The following ARL15 variants were observed in gnomAD, a reference collection of about 807,000 sequenced individuals.
ARL15 encodes ARF like GTPase 15, also known as ADP-ribosylation factor-like protein 15.
In ARL15, 19 loss-of-function variants were observed where a neutral mutation model predicts 25.2. That is an observed-to-expected ratio of 0.75 (90% confidence interval 0.53 to 1.10). ARL15 has a LOEUF of 1.10. ARL15 is among the 50% of genes least tolerant of loss of function. The pLI is 0.00. For synonymous variants in ARL15, 94 were observed against 86.8 expected, an observed-to-expected ratio of 1.08 and a Z score of -0.46; for missense variants, 220 against 246.0, an observed-to-expected ratio of 0.89 and a Z score of 0.71.
intron 4 of ARL15, among the ~76,000 whole-genome samples, chr5:54,046,574 T>C (rs375107094): frequency 6.6e-6 from 1 of 151,744 alleles, no homozygotes. Flanking sequence ...ACAAACCAGT[T>C]TGAATGAAAA....
chr5:53,922,710 A>C (rs1745894092), intron 4 of ARL15, among the ~76,000 whole-genome samples: 1 of 152,238 alleles, frequency 6.6e-6, no homozygotes, highest in African/African-American at 2.4e-5. Context: ...CAAGTGGTAC[A>C]TCTGTAGTGA....
At chr5:54,211,308 T>C (rs1044733599) in intron 1 of ARL15, among the ~76,000 whole-genome samples, 5 of 152,078 alleles carry the variant, frequency 3.3e-5, no homozygotes, top group Non-Finnish European at 7.4e-5. Flanking sequence ...TGTAGAGCTG[T>C]TCTATCGGTT....
At chr5:53,963,794 G>A (rs1052853245) in intron 4 of ARL15, among the ~76,000 whole-genome samples, 1 of 143,384 alleles carries the variant, frequency 7.0e-6, no homozygotes, top group Non-Finnish European at 1.5e-5. Flanking sequence ...GGAGACAAGA[G>A]TGAAACTCCA....
At chr5:54,057,159 T>C (rs1750902670) in intron 4 of ARL15, among the ~76,000 whole-genome samples, 1 of 152,164 alleles carries the variant, frequency 6.6e-6, no homozygotes, top group Non-Finnish European at 1.5e-5. Context: ...ATCTTATAAA[T>C]ATCAGTGGGT....
chr5:54,029,205 G>A lies in ARL15; in HGVS notation c.462+83997C>T, dbSNP rs191155441. Among the ~76,000 whole-genome samples, 790 of 152,180 alleles carry A rather than the reference G, an allele frequency of 5.2e-3. 2 individuals carry two copies. Among genetic ancestry groups the A allele is most frequent in the Admixed American group, 0.011 (166 of 15,282 alleles). On this transcript the variant is annotated intron_variant, in intron 4 of 4. Transcript: ENST00000504924. ...ATTTTCTCAGATGTAAAATGGGGATGATTACAGTAACTACTTCCTCAGGTT... is the reference window on the plus strand; with the variant it reads ...ATTTTCTCAGATGTAAAATGGGGATAATTACAGTAACTACTTCCTCAGGTT...
intron 1 of ARL15, among the ~76,000 whole-genome samples, chr5:54,218,905 T>C (rs1008548379): frequency 1.3e-5 from 2 of 152,028 alleles, no homozygotes; most frequent in Admixed American, 1.3e-4. Flanking sequence ...ACATGGATGC[T>C]GCATCCCATT....
intron 4 of ARL15, among the ~76,000 whole-genome samples, chr5:54,054,609 T>C (rs907756328): frequency 1.3e-5 from 2 of 152,006 alleles, no homozygotes; most frequent in African/African-American, 4.8e-5. Flanking sequence ...GCTAACACGG[T>C]GAAACCCCGT....
intron 4 of ARL15, among the ~76,000 whole-genome samples, chr5:53,972,631 C>G (rs992827913): frequency 1.3e-5 from 2 of 151,804 alleles, no homozygotes; most frequent in Non-Finnish European, 1.5e-5. Flanking sequence ...TAATATAAAA[C>G]ATTATAATTA....
At chr5:54,261,961 T>C (rs1287027568) in intron 1 of ARL15, among the ~76,000 whole-genome samples, 1 of 152,204 alleles carries the variant, frequency 6.6e-6, no homozygotes, top group African/African-American at 2.4e-5. Context: ...AGACTAAGTT[T>C]ATCTGGGATA....
chr5:54,094,963 A>G (rs1213177474), intron 4 of ARL15, among the ~76,000 whole-genome samples: 1 of 152,240 alleles, frequency 6.6e-6, no homozygotes, highest in East Asian at 1.9e-4. Flanking sequence ...TCTGACATAG[A>G]GATGTGGCAC....
intron 3 of ARL15, among the ~76,000 whole-genome samples, chr5:54,145,182 C>T (rs549641507): frequency 8.6e-5 from 13 of 151,926 alleles, no homozygotes; most frequent in African/African-American, 1.7e-4. Context: ...CAATCATGTA[C>T]GTTGCTTAAA....
chr5:53,979,832 T>C (rs1748062914), intron 4 of ARL15, among the ~76,000 whole-genome samples: 2 of 258 alleles, frequency 7.8e-3, no homozygotes, highest in Admixed American at 0.045. Flanking sequence ...AAGTCTTTTG[T>C]GTGTGTGTGT....
chr5:54,118,505 T>G (rs936425447), intron 3 of ARL15, among the ~76,000 whole-genome samples: 2 of 152,246 alleles, frequency 1.3e-5, no homozygotes, highest in African/African-American at 4.8e-5. Flanking sequence ...CTTTAATTTC[T>G]GACATGGCAC....
intron 3 of ARL15, among the ~76,000 whole-genome samples, chr5:54,134,544 T>C (rs1051636640): frequency 2.0e-5 from 3 of 147,892 alleles, no homozygotes; most frequent in Admixed American, 6.8e-5. Context: ...CTATAGCCTG[T>C]GAGCTCCCTG....
intron 2 of ARL15, among the ~76,000 whole-genome samples, chr5:54,169,450 T>C (rs1439640285): frequency 6.6e-6 from 1 of 152,164 alleles, no homozygotes; most frequent in Non-Finnish European, 1.5e-5. Flanking sequence ...TGAACTGGCA[T>C]CCTATCTCTA....
At chr5:54,241,229 T>C (rs934755794) in intron 1 of ARL15, among the ~76,000 whole-genome samples, 2 of 152,222 alleles carry the variant, frequency 1.3e-5, no homozygotes, top group Admixed American at 6.5e-5. Context: ...ACCAGAATTA[T>C]ATTTAGATTA....
intron 4 of ARL15, among the ~76,000 whole-genome samples, chr5:53,917,714 T>C (rs1745700402): frequency 6.6e-6 from 1 of 152,168 alleles, no homozygotes; most frequent in African/African-American, 2.4e-5. Context: ...AGATTAACCT[T>C]TTCTGATACT....
At chr5:54,126,938 G>A (rs1296533219) in intron 3 of ARL15, among the ~76,000 whole-genome samples, 1 of 151,952 alleles carries the variant, frequency 6.6e-6, no homozygotes, top group Non-Finnish European at 1.5e-5. Flanking sequence ...CCATGCTGGT[G>A]TGCTACACCC....
At chr5:54,271,954 T>C (rs1296622550) in intron 1 of ARL15, among the ~76,000 whole-genome samples, 1 of 149,788 alleles carries the variant, frequency 6.7e-6, no homozygotes, top group African/African-American at 2.4e-5. Flanking sequence ...TTAAATTGGT[T>C]TTTTTAAGAC....
Sources: gnomAD v4.1 joint callset for allele counts (sites outside exome capture counted in the v4.1 genomes callset) on GRCh38, gnomAD v4.1.1 for gene constraint, MANE v1.5 for transcripts, NCBI Gene and HGNC (gene_info 2026-07-23, HGNC 2026-07-21) for gene names.